Variants in SLC4A4 observed in about 807,000 individuals in gnomAD.
The protein encoded by SLC4A4 is electrogenic sodium bicarbonate cotransporter 1.
In SLC4A4, 27 loss-of-function variants were observed where a neutral mutation model predicts 111.5. That is an observed-to-expected ratio of 0.24 (90% CI 0.18 to 0.33). SLC4A4 has a LOEUF of 0.33. SLC4A4 is among the 10% of genes least tolerant of loss of function. The pLI is 1.00. For missense variants in SLC4A4, 909 were observed against 1,315.5 expected (o/e 0.69, Z 4.78); for synonymous variants, 443 against 463.4 (o/e 0.96, Z 0.57).
intron 1 of SLC4A4, among the ~76,000 whole-genome samples, chr4:71,085,399 C>G (rs1578463375): frequency 6.6e-6 from 1 of 151,940 alleles, no homozygotes; most frequent in Admixed American, 6.6e-5. Flanking sequence ...TGCAGAAGCT[C>G]TTGAGTTTAA....
At chr4:71,140,908 G>A (rs570246938) in intron 2 of SLC4A4, among the ~76,000 whole-genome samples, 2 of 152,184 alleles carry the variant, frequency 1.3e-5, no homozygotes, top group African/African-American at 2.4e-5. Flanking sequence ...CAAAATTTGT[G>A]GGATACAAAG....
intron 7 of SLC4A4, among the ~76,000 whole-genome samples, chr4:71,412,842 A>G (rs1721477533): frequency 6.6e-6 from 1 of 152,196 alleles, no homozygotes; most frequent in Non-Finnish European, 1.5e-5. Flanking sequence ...GAATGTGTTC[A>G]CTGGGTGGGG....
upstream of SLC4A4, among the ~76,000 whole-genome samples, chr4:71,182,714 TCACA>T (rs77414889): frequency 0.039 from 5,686 of 146,382 alleles, 162 homozygotes; most frequent in South Asian, 0.16. Flanking sequence ...TATGTACATT[TCACA>T]CACACACACA....
intron 7 of SLC4A4, among the ~76,000 whole-genome samples, chr4:71,436,816 A>G (rs1724197843): frequency 6.6e-6 from 1 of 152,168 alleles, no homozygotes; most frequent in Non-Finnish European, 1.5e-5. Flanking sequence ...GTAATAAATC[A>G]AATGCACCTT....
At chr4:71,140,394 C>T (rs901244412) in intron 2 of SLC4A4, among the ~76,000 whole-genome samples, 1 of 152,130 alleles carries the variant, frequency 6.6e-6, no homozygotes, top group African/African-American at 2.4e-5. Flanking sequence ...GCACTCTAGC[C>T]TGAGCGACAA....
chr4:71,065,540 T>C lies in SLC4A4; in HGVS notation c.-65+2752T>C, dbSNP rs547759995. The stretch of plus-strand genomic sequence containing the variant: ...GTCGATGAAAGGCTGAAAGACGTGA[T>C]ATAAATCGACAGGAAAAGGACAGAA... On this transcript the variant is annotated intron_variant, in intron 1 of 26. Coordinates refer to the SLC4A4 transcript ENST00000649996. Among the ~76,000 whole-genome samples the C allele has an allele frequency of 8.0e-4, 122 of 152,310 alleles. 3 individuals are homozygous for C. In the South Asian group the frequency reaches 0.025, roughly 31 times the overall value.
chr4:71,076,790 A>G (rs1037240117), intron 1 of SLC4A4, among the ~76,000 whole-genome samples: 2 of 152,092 alleles, frequency 1.3e-5, no homozygotes, highest in Non-Finnish European at 2.9e-5. Flanking sequence ...CAGGAGTTTG[A>G]GACCAGCTGG....
chr4:71,198,520 G>A (rs1225375375), intron 1 of SLC4A4, among the ~76,000 whole-genome samples: 1 of 152,196 alleles, frequency 6.6e-6, no homozygotes. Context: ...GAATGGAGGA[G>A]TTTCTTTAAG....
intron 1 of SLC4A4, among the ~76,000 whole-genome samples, chr4:71,193,638 C>T (rs925715260): frequency 6.6e-6 from 1 of 152,130 alleles, no homozygotes; most frequent in Non-Finnish European, 1.5e-5. Context: ...ACCATTCTAT[C>T]GGATGTATAG....
intron 1 of SLC4A4, among the ~76,000 whole-genome samples, chr4:71,205,893 C>T (rs1247040877): frequency 6.6e-6 from 1 of 152,174 alleles, no homozygotes; most frequent in Non-Finnish European, 1.5e-5. Context: ...TACCATCAGT[C>T]ATGGGACTTT....
chr4:71,302,016 G>A (rs929407698), intron 3 of SLC4A4, among the ~76,000 whole-genome samples: 1 of 152,178 alleles, frequency 6.6e-6, no homozygotes, highest in South Asian at 2.1e-4. Flanking sequence ...CACTGCAAAA[G>A]ATGGCATAGC....
chr4:71,399,185 T>C (rs544763814), intron 7 of SLC4A4, among the ~76,000 whole-genome samples: 1 of 152,192 alleles, frequency 6.6e-6, no homozygotes, highest in Non-Finnish European at 1.5e-5. Context: ...TTTTGTTATC[T>C]GATGGAGGTT....
chr4:71,356,719 A>G (rs554191873), intron 5 of SLC4A4, among the ~76,000 whole-genome samples: 1 of 152,300 alleles, frequency 6.6e-6, no homozygotes, highest in African/African-American at 2.4e-5. Flanking sequence ...TTAATTGAAA[A>G]ATATAAATTA....
intron 7 of SLC4A4, among the ~76,000 whole-genome samples, chr4:71,422,362 AAG>A (rs1425291684): frequency 6.8e-6 from 1 of 146,866 alleles, no homozygotes; most frequent in Non-Finnish European, 1.5e-5. Context: ...ACCAACCAAA[AAG>A]AGTCCAGGAC....
chr4:71,440,330 A>G (rs1264930286), intron 7 of SLC4A4, among the ~76,000 whole-genome samples: 1 of 152,234 alleles, frequency 6.6e-6, no homozygotes, highest in African/African-American at 2.4e-5. Context: ...GAATGAATAT[A>G]TAAATGAATG....
In SLC4A4 at chr4:71,447,636, T is replaced by C; in HGVS notation, c.966-10T>C. Reference sequence around the variant, plus strand: ...GTGTTATAGCCTTTGCTTCTTTCCTTTTCCATTAGGTTCTTGTTCATTCTC... The same window carrying C: ...GTGTTATAGCCTTTGCTTCTTTCCTCTTCCATTAGGTTCTTGTTCATTCTC... On this transcript the variant is annotated splice_polypyrimidine_tract_variant and intron_variant, in intron 8 of 25. Coordinates refer to ENST00000264485, the MANE Select transcript of SLC4A4 (RefSeq NM_001098484.3). 1 of 1,580,368 alleles carries C rather than the reference T, an allele frequency of 6.3e-7. No homozygotes were observed. The highest frequency in any genetic ancestry group is 8.7e-7 in the Non-Finnish European group (1 of 1,149,832).
At chr4:71,147,297 T>A (rs902273346) in intron 2 of SLC4A4, among the ~76,000 whole-genome samples, 2 of 152,140 alleles carry the variant, frequency 1.3e-5, no homozygotes, top group African/African-American at 4.8e-5. Context: ...TTCTTCCTTC[T>A]CCTTTATGTT....
intron 14 of SLC4A4, among the ~76,000 whole-genome samples, chr4:71,480,284 A>C (rs1232639028): frequency 6.6e-6 from 1 of 151,606 alleles, no homozygotes; most frequent in Admixed American, 6.6e-5. Flanking sequence ...TAGATTAAAG[A>C]GTATACAACT....
In SLC4A4 at chr4:71,398,209, C is replaced by T. The variant is rs553408934; in HGVS notation, c.807+556C>T. Among the ~76,000 whole-genome samples, 5 of 150,794 alleles carry T rather than the reference C, an allele frequency of 3.3e-5. 1 individual carries two copies. Among genetic ancestry groups the T allele is most frequent in the East Asian group, 2.0e-4 (1 of 5,116 alleles). On this transcript the variant is annotated intron_variant, in intron 7 of 25. Transcript: ENST00000264485. Reference sequence around the variant, plus strand: ...CTGAAGCATGAGAATCGCTTGAACCCGAGAGGCAGAGGTTGCATTGCACTG... The same window carrying T: ...CTGAAGCATGAGAATCGCTTGAACCTGAGAGGCAGAGGTTGCATTGCACTG...
Sources: gnomAD v4.1 joint callset for allele counts (sites outside exome capture counted in the v4.1 genomes callset) on GRCh38, gnomAD v4.1.1 for gene constraint, MANE v1.5 for transcripts, NCBI Gene and HGNC (gene_info 2026-07-23, HGNC 2026-07-21) for gene names.